The following PTPRD variants were observed in gnomAD, a reference collection of about 807,000 sequenced individuals.
PTPRD encodes the protein receptor-type tyrosine-protein phosphatase delta.
Under a neutral mutation model 214.5 loss-of-function variants are expected in PTPRD, and 34 were observed. The ratio of observed to expected loss-of-function variants is 0.16; its 90% CI spans 0.12 to 0.21. The LOEUF (loss-of-function observed/expected upper bound fraction) is 0.21, where lower values mean the gene tolerates loss of function less well. Ranked by LOEUF, PTPRD falls within the 10% of genes least tolerant of loss-of-function variation. PTPRD has a pLI of 1.00. For synonymous variants in PTPRD, 1,128 were observed against 845.7 expected (o/e 1.33, Z -5.79); for missense variants, 2,545 against 2,398.7 (o/e 1.06, Z -1.27).
At chr9:9,971,312 G>A (rs1390509395) in intron 4 of PTPRD, among the ~76,000 whole-genome samples, 2 of 152,312 alleles carry the variant, frequency 1.3e-5, no homozygotes, top group East Asian at 1.9e-4. Flanking sequence ...TAGGTCTGGA[G>A]TAGAAACCAG....
intron 11 of PTPRD, among the ~76,000 whole-genome samples, chr9:8,924,312 T>C (rs761225038): frequency 3.9e-5 from 6 of 152,216 alleles, no homozygotes; most frequent in Non-Finnish European, 8.8e-5. Context: ...CAGGTATTTA[T>C]TGAATTCTCA....
intron 8 of PTPRD, among the ~76,000 whole-genome samples, chr9:9,492,323 A>C: frequency 9.8e-6 from 1 of 101,758 alleles, no homozygotes; most frequent in South Asian, 3.9e-4. Flanking sequence ...AATTTACTAA[A>C]CATAAAAAAA....
rs200175164 is a variant in PTPRD, at chr9:8,775,523, C to CA, written c.-103-41578dup. On this transcript the variant is annotated intron_variant, in intron 11 of 45. Transcript: ENST00000381196. ...ATATACTAATGCTTTGGATTGGGAG[C>CA]AAAAAAAACTGGAAAGGCCTTAGTC... 4.6e-3 allele frequency among the ~76,000 whole-genome samples: 701 copies of CA among 151,556 alleles called. 2 individuals are homozygous for CA. The highest frequency in any genetic ancestry group is 6.8e-3 in the Middle Eastern group (2 of 294).
chr9:9,594,521 G>A (rs1258407783), intron 7 of PTPRD, among the ~76,000 whole-genome samples: 1 of 152,032 alleles, frequency 6.6e-6, no homozygotes, highest in African/African-American at 2.4e-5. Context: ...ACCATTTGTT[G>A]AATAGGGTGT....
chr9:8,375,049 C>G (rs1442354691), intron 39 of PTPRD, among the ~76,000 whole-genome samples: 2 of 151,838 alleles, frequency 1.3e-5, no homozygotes, highest in African/African-American at 4.8e-5. Context: ...TACTCCCAGA[C>G]TTCTATTTTA....
Position 10,206,846 on chromosome 9 carries a change from G to A in PTPRD, c.-545+134117C>T, listed in dbSNP as rs895855714. 3.3e-5 allele frequency among the ~76,000 whole-genome samples: 5 copies of A among 152,070 alleles called. No homozygotes were observed. The South Asian group carries it at 8.3e-4, about 25-fold the overall frequency. On this transcript the variant is annotated intron_variant, in intron 3 of 45. Coordinates refer to ENST00000381196, the MANE Select transcript of PTPRD (RefSeq NM_002839.4). ...AAAAGTAACAGGAATAGAAAAATTG[G>A]TGAGACTGAGTGTAACTCAGACTAG...
At chr9:9,445,975 C>T (rs1373441892) in intron 8 of PTPRD, among the ~76,000 whole-genome samples, 1 of 152,132 alleles carries the variant, frequency 6.6e-6, no homozygotes, top group African/African-American at 2.4e-5. Flanking sequence ...ACAATTTAGG[C>T]AAGCTTTTCC....
At chr9:8,327,022 C>CTA (rs1834580274) in intron 44 of PTPRD, among the ~76,000 whole-genome samples, 4 of 134,504 alleles carry the variant, frequency 3.0e-5, no homozygotes, top group African/African-American at 5.3e-5. Flanking sequence ...TTTTTCGTGT[C>CTA]TCTATCTCCT....
chr9:8,690,495 C>G (rs1257533453), intron 12 of PTPRD, among the ~76,000 whole-genome samples: 3 of 149,456 alleles, frequency 2.0e-5, no homozygotes, highest in Admixed American at 1.3e-4. Flanking sequence ...CACCACTGCA[C>G]TCCAGTCTGG....
intron 11 of PTPRD, among the ~76,000 whole-genome samples, chr9:8,747,580 G>A (rs1446817400): frequency 1.3e-5 from 2 of 152,068 alleles, no homozygotes; most frequent in Non-Finnish European, 2.9e-5. Context: ...CTTACAGAAG[G>A]ACACTTAGTA....
intron 11 of PTPRD, among the ~76,000 whole-genome samples, chr9:8,803,141 G>A (rs183449373): frequency 1.3e-5 from 2 of 152,038 alleles, no homozygotes; most frequent in African/African-American, 4.8e-5. Flanking sequence ...ACAAGATAAC[G>A]CATGTAAAGC....
intron 8 of PTPRD, among the ~76,000 whole-genome samples, chr9:9,501,187 T>C (rs535849985): frequency 2.6e-5 from 4 of 152,008 alleles, no homozygotes; most frequent in Non-Finnish European, 5.9e-5. Flanking sequence ...ATGGATTAAA[T>C]ATTCCTATTA....
intron 17 of PTPRD, 109 bp from the exon 18 acceptor site, chr9:8,525,144 C>T (rs1030981073): frequency 3.4e-6 from 3 of 894,812 alleles, no homozygotes; most frequent in Non-Finnish European, 3.7e-6. Context: ...CGAAGGTCCA[C>T]TCAACGTCGA....
At chr9:9,404,782 C>T (rs985426510) in intron 8 of PTPRD, among the ~76,000 whole-genome samples, 4 of 152,014 alleles carry the variant, frequency 2.6e-5, no homozygotes, top group Admixed American at 2.0e-4. Context: ...ATAGGTAGCA[C>T]ATTAGAGAGT....
chr9:10,120,776 A>G (rs955446816), intron 3 of PTPRD, among the ~76,000 whole-genome samples: 16 of 152,072 alleles, frequency 1.1e-4, no homozygotes, highest in African/African-American at 3.4e-4. Context: ...AATCCCATGA[A>G]AGCAGAGAGC....
At chr9:9,944,256 C>G (rs1192980229) in intron 4 of PTPRD, among the ~76,000 whole-genome samples, 1 of 152,130 alleles carries the variant, frequency 6.6e-6, no homozygotes, top group African/African-American at 2.4e-5. Flanking sequence ...TAGTAGATAT[C>G]TACTTATAAC....
intron 11 of PTPRD, among the ~76,000 whole-genome samples, chr9:8,949,596 G>C (rs1022210313): frequency 6.6e-6 from 1 of 152,044 alleles, no homozygotes; most frequent in Non-Finnish European, 1.5e-5. Flanking sequence ...GTGATGTTGA[G>C]GTTACAAATT....
intron 2 of PTPRD, among the ~76,000 whole-genome samples, chr9:10,552,438 A>G (rs2061545841): frequency 6.6e-6 from 1 of 151,938 alleles, no homozygotes; most frequent in African/African-American, 2.4e-5. Flanking sequence ...CTTGACCCAA[A>G]CTTATTATTT....
chr9:8,635,079 T>C (rs966585795), intron 13 of PTPRD, among the ~76,000 whole-genome samples: 1 of 147,734 alleles, frequency 6.8e-6, no homozygotes, highest in Non-Finnish European at 1.5e-5. Flanking sequence ...ATTAAATATA[T>C]ATTATATATA....
Sources: gnomAD v4.1 joint callset for allele counts (sites outside exome capture counted in the v4.1 genomes callset) on GRCh38, gnomAD v4.1.1 for gene constraint, MANE v1.5 for transcripts, NCBI Gene and HGNC (gene_info 2026-07-23, HGNC 2026-07-21) for gene names.